Variants in TAPBP observed in about 807,000 individuals in gnomAD.
The protein encoded by TAPBP is tapasin.
A neutral mutation model predicts 45.7 loss-of-function variants in TAPBP; 38 were observed. That is an observed-to-expected ratio of 0.83 (90% CI 0.64 to 1.09). The LOEUF (loss-of-function observed/expected upper bound fraction) is 1.09. Ranked by LOEUF, TAPBP falls within the 50% of genes least tolerant of loss-of-function variation. The pLI is 0.00. For synonymous variants in TAPBP, 226 were observed against 254.8 expected (o/e 0.89, Z 1.08); for missense variants, 513 against 587.3 (o/e 0.87, Z 1.31).
chr6:33,301,761 C>T lies in TAPBP; in HGVS notation c.1346G>A (p.Ter449=). The T allele has an allele frequency of 1.2e-6, 2 of 1,614,014 alleles. No homozygotes were observed. The highest frequency in any genetic ancestry group is 1.7e-6 in the Non-Finnish European group (2 of 1,179,932). Residue 449 remains the stop codon, a stop_retained_variant, in exon 8 of 8, where the codon TGA becomes TAA. Coordinates refer to ENST00000434618, the MANE Select transcript of TAPBP (RefSeq NM_003190.5). The part of the protein sequence containing the change: ...TCKDSKKKAE[*] ...TCCACAGGATGGCAGTGAGTGCCCTCACTCTGCTTTCTGGAAGAGAGGAAG... is the reference window on the plus strand; with the variant it reads ...TCCACAGGATGGCAGTGAGTGCCCTTACTCTGCTTTCTGGAAGAGAGGAAG...
At chr6:33,303,720 G>A in intron 7 of TAPBP, 1 of 1,542,926 alleles carries the variant, frequency 6.5e-7, no homozygotes, top group Non-Finnish European at 8.8e-7. Context: ...CTTTCTATTG[G>A]ACAGCACTGC....
In TAPBP at chr6:33,313,661, A is replaced by C; in HGVS notation, c.208+33T>G. 1 of 1,592,904 alleles carries C rather than the reference A, an allele frequency of 6.3e-7. No homozygotes were observed. Among genetic ancestry groups the C allele is most frequent in the Non-Finnish European group, 8.6e-7 (1 of 1,166,116 alleles). ...GAGGGGGTTTCGGTGGAGGCGACAG[A>C]GGTAGGGGGGCGGCGAGTCCCTAGA... On this transcript the variant is annotated intron_variant, in intron 2 of 7. Transcript: ENST00000434618. This position sits in a 1 kb window ranked among gnomAD's most constrained non-coding sequence, Gnocchi z 7.2.
chr6:33,304,559 A>T lies in TAPBP; in HGVS notation c.948T>A (p.Leu316=). Residue 316 remains leucine, a synonymous_variant, in exon 5 of 8, where the codon CTT becomes CTA. Transcript: ENST00000434618. ...PGEAPPELLC[L]VSHFYPSGGL... is the part of the protein sequence containing the mutation. ...CCCCAGAAGGGTAGAAGTGGGACAC[A>T]AGGCAGAGCAATTCCGGGGGTGCCT... 2 of 1,608,638 alleles carry T rather than the reference A, an allele frequency of 1.2e-6. No homozygotes were observed. Among genetic ancestry groups the T allele is most frequent in the Non-Finnish European group, 1.7e-6 (2 of 1,179,670 alleles).
At chr6:33,307,629 C>T (rs1006896794) in intron 3 of TAPBP, among the ~76,000 whole-genome samples, 3 of 151,874 alleles carry the variant, frequency 2.0e-5, no homozygotes, top group South Asian at 2.1e-4. Context: ...CTTGAACTCC[C>T]GACCTCAGGT....
At chr6:33,307,114 C>G (rs1039152124) in intron 3 of TAPBP, among the ~76,000 whole-genome samples, 1 of 152,082 alleles carries the variant, frequency 6.6e-6, no homozygotes, top group South Asian at 2.1e-4. Flanking sequence ...ATGGCAAAAC[C>G]CTGTCTCTAC....
At position 33,305,749 on chromosome 6, in the gene TAPBP, C is replaced by G. The variant is rs1768933670; in HGVS notation, c.470-362G>C. Among the ~76,000 whole-genome samples, 1 of 152,030 alleles carries G rather than the reference C, an allele frequency of 6.6e-6. No individual in the cohort carries two copies. Among genetic ancestry groups the G allele is most frequent in the Admixed American group, 6.6e-5 (1 of 15,266 alleles). ...AACCACTCTATCTCCAAGCACCACC[C>G]TTGAGGAACCAGGCCTTTCTTGATT... On this transcript the variant is annotated intron_variant, in intron 3 of 7. Coordinates refer to ENST00000434618, the MANE Select transcript of TAPBP (RefSeq NM_003190.5). The surrounding 1 kb of genome is among the most constrained non-coding windows in gnomAD (Gnocchi z 4.4).
At chr6:33,306,434 C>G (rs776003282) in intron 3 of TAPBP, among the ~76,000 whole-genome samples, 1 of 152,264 alleles carries the variant, frequency 6.6e-6, no homozygotes, top group Admixed American at 6.5e-5. Context: ...GCAGTCCCTG[C>G]TCTCAAATTG....
At position 33,305,398 on chromosome 6, in the gene TAPBP, CAG is replaced by C. The variant is rs1768913285; in HGVS notation, c.470-13_470-12del. ...GGACAGTCAGTACCACTGAGGAAGA[CAG>C]GGAGATGAGGGGTTGGGAGGGGCAT... On this transcript the variant is annotated splice_polypyrimidine_tract_variant and intron_variant, in intron 3 of 7. Coordinates refer to ENST00000434618, the MANE Select transcript of TAPBP (RefSeq NM_003190.5). This position sits in a 1 kb window ranked among gnomAD's most constrained non-coding sequence, Gnocchi z 4.4. 5 of 1,504,170 alleles carry C rather than the reference CAG, an allele frequency of 3.3e-6. No homozygotes were observed. The highest frequency in any genetic ancestry group is 1.8e-4 in the Middle Eastern group (1 of 5,546). 93.2% of individuals were successfully genotyped at this position (1,504,170 alleles called of 1,614,324 possible). A position where few individuals can be genotyped will look rare whatever the true frequency, so the allele number is the denominator to read the frequency against.
intron 3 of TAPBP, among the ~76,000 whole-genome samples, chr6:33,312,859 C>G (rs1446503068): frequency 6.6e-6 from 1 of 152,158 alleles, no homozygotes; most frequent in Non-Finnish European, 1.5e-5. Context: ...GCTCCTGCTT[C>G]TGAACCCCTC....
chr6:33,309,999 C>T (rs1769240577), intron 3 of TAPBP, among the ~76,000 whole-genome samples: 1 of 151,510 alleles, frequency 6.6e-6, no homozygotes, highest in African/African-American at 2.4e-5. Context: ...GCTGGGATTA[C>T]AGGCATGAGC....
At chr6:33,312,508 TA>T (rs774647015) in intron 3 of TAPBP, among the ~76,000 whole-genome samples, 4 of 152,192 alleles carry the variant, frequency 2.6e-5, no homozygotes, top group Non-Finnish European at 5.9e-5. Context: ...ATTCTTGAAT[TA>T]TCTGCACAGT....
chr6:33,311,904 T>C (rs2150971797), intron 3 of TAPBP, among the ~76,000 whole-genome samples: 1 of 152,312 alleles, frequency 6.6e-6, no homozygotes, highest in South Asian at 2.1e-4. Flanking sequence ...AAGCTAAGCA[T>C]GGGATTGAAT....
At chr6:33,303,236 T>C (rs1768707418) in intron 7 of TAPBP, among the ~76,000 whole-genome samples, 1 of 151,934 alleles carries the variant, frequency 6.6e-6, no homozygotes, top group Admixed American at 6.6e-5. Flanking sequence ...CTGACCAACA[T>C]GGTGAAACCC....
chr6:33,307,469 T>C (rs1769057502), intron 3 of TAPBP, among the ~76,000 whole-genome samples: 1 of 145,638 alleles, frequency 6.9e-6, no homozygotes, highest in Admixed American at 7.0e-5. Flanking sequence ...TGGTGTGATC[T>C]TGGCTCACTG....
rs1383540739 is a variant in TAPBP, at chr6:33,313,487, G to C, written c.209-10C>G. The C allele has an allele frequency of 7.1e-6, 11 of 1,551,694 alleles. No homozygotes were observed. Among genetic ancestry groups the C allele is most frequent in the Non-Finnish European group, 8.7e-6 (10 of 1,146,830 alleles). On this transcript the variant is annotated splice_polypyrimidine_tract_variant and intron_variant, in intron 2 of 7. Transcript: ENST00000434618. The surrounding 1 kb of genome is among the most constrained non-coding windows in gnomAD (Gnocchi z 7.2). ...AGGGCGCCCGCGGGGTCTGAGTGTAGAGAAGGAAGTTGCAGCTGTAGAGTC... is the reference window on the plus strand; with the variant it reads ...AGGGCGCCCGCGGGGTCTGAGTGTACAGAAGGAAGTTGCAGCTGTAGAGTC...
chr6:33,304,486 G>A lies in TAPBP; in HGVS notation c.1021C>T (p.Gln341Ter). The change falls in exon 5 of 8, where the codon CAG becomes TAG. Residue 341 changes from glutamine to a stop codon, truncating the protein, a stop_gained. Transcript: ENST00000434618. LOFTEE classifies it high-confidence loss of function. The part of the protein sequence containing the change: ...ELRGGPGGRS[Q>*]KAEGQRWLSA... ...AGCCACCTCTGCCCCTCGGCCTTCT[G>A]AGAGCGGCCCCCTGGGCCACCCCGG... The A allele has an allele frequency of 6.2e-7, 1 of 1,613,156 alleles. No individual in the cohort carries two copies.
rs1438308743 is a variant in TAPBP at position 33,313,871 on chromosome 6, T to C, written c.38-7A>G. 12 of 1,613,354 alleles carry C rather than the reference T, an allele frequency of 7.4e-6. No homozygotes were observed. Among genetic ancestry groups the C allele is most frequent in the Non-Finnish European group, 8.5e-6 (10 of 1,179,910 alleles). ...GAGACGGCGGTCGCCAGGCCTGGCG[T>C]ATAGGGACGCGAGTGAGGAGCGGTT... is the stretch of plus-strand genomic sequence containing the variant. On this transcript the variant is annotated splice_polypyrimidine_tract_variant and splice_region_variant and intron_variant, in intron 1 of 7. Transcript: ENST00000434618. The surrounding 1 kb of genome is among the most constrained non-coding windows in gnomAD (Gnocchi z 7.2).
rs1768779357 is a variant in TAPBP at position 33,304,150 on chromosome 6, G to C, written c.1278C>G (p.Leu426=). Residue 426 remains leucine, a synonymous_variant, in exon 6 of 8, where the codon CTC becomes CTG. Transcript: ENST00000434618. ...TACCAGCCCAGCCCAGTGCCTTGAA[G>C]AGCCCAAGCAGAAGAAAGGCAGACA... ...LFLSAFLLLG[L]FKALGWAAVY... 4 of 1,613,476 alleles carry C rather than the reference G, an allele frequency of 2.5e-6. No individual in the cohort carries two copies. The highest frequency in any genetic ancestry group is 3.4e-6 in the Non-Finnish European group (4 of 1,179,900).
intron 7 of TAPBP, among the ~76,000 whole-genome samples, chr6:33,303,208 C>T (rs998922920): frequency 6.6e-6 from 1 of 151,866 alleles, no homozygotes; most frequent in Admixed American, 6.6e-5. Flanking sequence ...CACCTGAGGT[C>T]GGGAGTTCGA....
Sources: allele counts gnomAD v4.1 joint callset (sites outside exome capture counted in the v4.1 genomes callset), GRCh38; gene constraint gnomAD v4.1.1; non-coding constraint Gnocchi (gnomAD v3.1); transcripts MANE v1.5; gene names NCBI Gene and HGNC (gene_info 2026-07-23, HGNC 2026-07-21).